NVL: variants seen among roughly 807,000 people sequenced by gnomAD.
NVL encodes nuclear valosin-containing protein-like.
NVL carries 84 observed loss-of-function variants against 110.2 expected under a neutral mutation model. That is an observed-to-expected ratio of 0.76 (90% CI 0.64 to 0.91). The LOEUF is 0.91. Ranked by LOEUF, NVL falls within the 40% of genes least tolerant of loss-of-function variation. NVL has a pLI of 0.00. For synonymous variants in NVL, 354 were observed against 361.1 expected (o/e 0.98, Z 0.22); for missense variants, 882 against 1,035.9 (o/e 0.85, Z 2.04).
intron 21 of NVL, among the ~76,000 whole-genome samples, chr1:224,231,740 C>T (rs574607967): frequency 6.6e-6 from 1 of 152,068 alleles, no homozygotes; most frequent in African/African-American, 2.4e-5. Context: ...TAGAAGGGAG[C>T]TTTAGGTCGG....
intron 2 of NVL, among the ~76,000 whole-genome samples, chr1:224,321,755 CAA>C (rs10551099): frequency 0.9 from 121,092 of 133,816 alleles, 54,959 homozygotes; most frequent in Middle Eastern, 0.96. Context: ...GATTCCACCT[CAA>C]AAAAAAAAAA....
At chr1:224,279,405 T>TACTG (rs1666095276) in intron 16 of NVL, among the ~76,000 whole-genome samples, 1 of 152,138 alleles carries the variant, frequency 6.6e-6, no homozygotes. Flanking sequence ...AAACCTCTAC[T>TACTG]TCCAGAGACC....
At chr1:224,257,248 T>C in intron 18 of NVL, 3 of 416,058 alleles carry the variant, frequency 7.2e-6, no homozygotes, top group Non-Finnish European at 1.4e-5. Flanking sequence ...CCTCCTTTCA[T>C]CTGTTGATAA....
chr1:224,261,856 G>C (rs945031710), intron 18 of NVL, among the ~76,000 whole-genome samples: 5 of 152,042 alleles, frequency 3.3e-5, no homozygotes, highest in African/African-American at 1.2e-4. Context: ...AGCTACGTGA[G>C]AGGCTGAGGT....
In NVL at chr1:224,330,114, G is replaced by A. The variant is rs370596625; in HGVS notation, c.14C>T (p.Pro5Leu). 8 of 1,614,108 alleles carry A rather than the reference G, an allele frequency of 5.0e-6. No homozygotes were observed. In the African/African-American group the frequency reaches 6.7e-5, roughly 13 times the overall value. Residue 5 changes from proline (P) to leucine (L), a missense_variant, in exon 1 of 23, where the codon CCT (proline) becomes CTT (leucine). Pro to Leu is a moderately conservative substitution (Grantham distance 98). Around this residue, in one of 4 missense-constraint regions of NVL, gnomAD observed 274 missense variants for 268.4 expected, o/e 1.02. Transcript: ENST00000281701. MKPR[P>L]AGFVDNKLKQ... ...GAGTTTATTATCCACGAACCCTGCA[G>A]GTCTGGGCTTCATCGCGTCGGTCTT...
intron 5 of NVL, 132 bp from the exon 6 acceptor site, chr1:224,308,395 A>G: frequency 2.5e-6 from 2 of 808,180 alleles, no homozygotes; most frequent in Middle Eastern, 6.3e-4. Context: ...TATAATCAGA[A>G]TATATAGGTG....
At chr1:224,251,332 T>TA (rs1412349696) in intron 18 of NVL, among the ~76,000 whole-genome samples, 2 of 124,414 alleles carry the variant, frequency 1.6e-5, no homozygotes, top group African/African-American at 6.0e-5. Flanking sequence ...TTATAAAAAA[T>TA]AAAAAATTAA....
chr1:224,233,227 GC>G lies in NVL; in HGVS notation c.2428del (p.Ala810GlnfsTer26). On this transcript the variant is annotated frameshift_variant, in exon 21 of 23. Coordinates refer to ENST00000281701, the MANE Select transcript of NVL (RefSeq NM_002533.4). LOFTEE classifies it high-confidence loss of function. ...ASICALRQEM[A>X]RQKSGNEKGE... is the part of the protein sequence containing the mutation. ...TTTTTCATTTCCACTCTTCTGTCTTGCCATTTCCTGTCTCAGGGCACAGATA... is the reference window on the plus strand; with the variant it reads ...TTTTTCATTTCCACTCTTCTGTCTTGCATTTCCTGTCTCAGGGCACAGATA... The G allele has an allele frequency of 6.2e-7, 1 of 1,612,612 alleles. No individual in the cohort carries two copies. Among genetic ancestry groups the G allele is most frequent in the Non-Finnish European group, 8.5e-7 (1 of 1,179,540 alleles).
In NVL at chr1:224,275,420, A is replaced by G; in HGVS notation, c.2001T>C (p.Phe667=). Residue 667 remains phenylalanine, a synonymous_variant, in exon 17 of 23, where the codon TTT becomes TTC. Transcript: ENST00000281701. The stretch of plus-strand genomic sequence containing the variant: ...AGGGTGCTGAGTTCTTGGCTCGTTG[A>G]AAAACTTGTCGCACAGCACGTTCAC... The part of the protein sequence containing the change: ...GESERAVRQV[F]QRAKNSAPCV... 1 of 1,614,152 alleles carries G rather than the reference A, an allele frequency of 6.2e-7. No individual in the cohort carries two copies. The highest frequency in any genetic ancestry group is 8.5e-7 in the Non-Finnish European group (1 of 1,180,002).
chr1:224,279,302 G>C (rs1352966407), intron 16 of NVL, among the ~76,000 whole-genome samples: 1 of 152,122 alleles, frequency 6.6e-6, no homozygotes, highest in African/African-American at 2.4e-5. Flanking sequence ...AATAGGTGTA[G>C]TCACTCACGC....
At position 224,306,972 on chromosome 1, in the gene NVL, T is replaced by TAAGAACCAA. The variant is rs528275146; in HGVS notation, c.615+1018_615+1019insTTGGTTCTT. On this transcript the variant is annotated intron_variant, in intron 6 of 22. Coordinates refer to ENST00000281701, the MANE Select transcript of NVL (RefSeq NM_002533.4). The stretch of plus-strand genomic sequence containing the variant: ...TAATAAATAAAAAGGGGAAAGGTTC[T>TAAGAACCAA]GCCAAATCAAAGGGCTTGGTTCTTA... Among the ~76,000 whole-genome samples the TAAGAACCAA allele has an allele frequency of 3.8e-3, 583 of 152,350 alleles. 3 individuals carry two copies. The highest frequency in any genetic ancestry group is 0.013 in the African/African-American group (548 of 41,582).
At chr1:224,265,486 A>C (rs1245961189) in intron 18 of NVL, among the ~76,000 whole-genome samples, 1 of 152,186 alleles carries the variant, frequency 6.6e-6, no homozygotes, top group South Asian at 2.1e-4. Context: ...CCTGGGCAGT[A>C]GACCAAGACT....
At chr1:224,259,650 G>T (rs1177646193) in intron 18 of NVL, among the ~76,000 whole-genome samples, 1 of 151,730 alleles carries the variant, frequency 6.6e-6, no homozygotes, top group Non-Finnish European at 1.5e-5. Context: ...TAATAAGAAT[G>T]ATGTTTTTTG....
At chr1:224,244,844 C>T (rs989817670) in intron 19 of NVL, among the ~76,000 whole-genome samples, 10 of 152,072 alleles carry the variant, frequency 6.6e-5, no homozygotes, top group African/African-American at 1.9e-4. Context: ...CGCACCACCA[C>T]GCCCAGCTAA....
chr1:224,242,692 T>A (rs1447508987), intron 19 of NVL, among the ~76,000 whole-genome samples: 1 of 152,006 alleles, frequency 6.6e-6, no homozygotes, highest in Non-Finnish European at 1.5e-5. Flanking sequence ...GGTCTCAAAC[T>A]CCTGACCTCA....
rs1669574627 is a variant in NVL at position 224,312,018 on chromosome 1, G to A, written c.285-161C>T. 2.9e-5 allele frequency: 17 copies of A among 592,296 alleles called. 1 individual carries two copies. In the South Asian group the frequency reaches 3.6e-4, roughly 13 times the overall value. The allele number at this position is 592,296 out of a possible 1,614,324, so 36.7% of individuals were successfully genotyped here. Reference sequence around the variant, plus strand: ...TAGGATTCAAAATCCAACTTAACCAGTTATTACTTAACCTCTCTAAGCGTC... The same window carrying A: ...TAGGATTCAAAATCCAACTTAACCAATTATTACTTAACCTCTCTAAGCGTC... On this transcript the variant is annotated intron_variant, in intron 4 of 22. Coordinates refer to ENST00000281701, the MANE Select transcript of NVL (RefSeq NM_002533.4).
intron 19 of NVL, among the ~76,000 whole-genome samples, chr1:224,240,783 CTTTTTTTTTTT>C (rs59138570): frequency 2.4e-5 from 2 of 82,662 alleles, no homozygotes; most frequent in African/African-American, 5.2e-5. Flanking sequence ...ACAAACTGTC[CTTTTTTTTTTT>C]TTTTTTTTTT....
chr1:224,319,531 A>G (rs1187392416), intron 2 of NVL, among the ~76,000 whole-genome samples: 1 of 151,980 alleles, frequency 6.6e-6, no homozygotes, highest in Non-Finnish European at 1.5e-5. Flanking sequence ...CCCAGAGTCT[A>G]GTCAAGGTTC....
rs1471783895 is a variant in NVL, at chr1:224,254,376, C to T, written c.2183-4058G>A. On this transcript the variant is annotated intron_variant, in intron 18 of 22. Transcript: ENST00000281701. ...AAAGTGCTAGGATTACAGGCATGAG[C>T]CACAGTGCCTGGCATTTTTTTTTTT... Among the ~76,000 whole-genome samples the T allele has an allele frequency of 2.1e-5, 3 of 145,402 alleles. No homozygotes were observed. In the Admixed American group the frequency reaches 2.1e-4, roughly 10 times the overall value.
Sources: gnomAD v4.1 joint callset for allele counts (sites outside exome capture counted in the v4.1 genomes callset) on GRCh38, gnomAD v4.1.1 for gene constraint, gnomAD v4.1.1 regional missense constraint, MANE v1.5 for transcripts, NCBI Gene and HGNC (gene_info 2026-07-23, HGNC 2026-07-21) for gene names.